Variants in CDC42BPA observed in about 807,000 individuals in gnomAD.
CDC42BPA encodes the protein serine/threonine-protein kinase MRCK alpha.
In CDC42BPA, 80 loss-of-function variants were observed where a neutral mutation model predicts 223.5. The ratio of observed to expected loss-of-function variants is 0.36; its 90% CI spans 0.30 to 0.43. The LOEUF (loss-of-function observed/expected upper bound fraction) is 0.43. CDC42BPA is among the 20% of genes least tolerant of loss of function. The pLI is 1.00. For missense variants in CDC42BPA, 1,743 were observed against 2,099.9 expected (o/e 0.83, Z 3.32); for synonymous variants, 694 against 718.6 (o/e 0.97, Z 0.55).
chr1:227,210,931 A>AGGT (rs1342134756), intron 3 of CDC42BPA, among the ~76,000 whole-genome samples: 1 of 152,146 alleles, frequency 6.6e-6, no homozygotes, highest in Non-Finnish European at 1.5e-5. Flanking sequence ...GATCCAATGT[A>AGGT]GGACACTTCT....
At chr1:227,157,722 T>A (rs1398410377) in intron 6 of CDC42BPA, among the ~76,000 whole-genome samples, 1 of 152,064 alleles carries the variant, frequency 6.6e-6, no homozygotes, top group Non-Finnish European at 1.5e-5. Context: ...TTAGTCTCAA[T>A]ATTTTTCTCT....
intron 1 of CDC42BPA, among the ~76,000 whole-genome samples, chr1:227,295,166 G>C (rs10916118): frequency 6.6e-6 from 1 of 151,756 alleles, no homozygotes; most frequent in Admixed American, 6.6e-5. Flanking sequence ...ACATATATAT[G>C]AAATATAATT....
At chr1:227,178,126 C>G (rs769478579) in intron 5 of CDC42BPA, among the ~76,000 whole-genome samples, 2 of 152,134 alleles carry the variant, frequency 1.3e-5, no homozygotes, top group Non-Finnish European at 2.9e-5. Flanking sequence ...AATTCTCATA[C>G]GTGGATCATC....
chr1:227,230,812 CTTTCTTTCTTTTTTT>C (rs1423743603), intron 2 of CDC42BPA, among the ~76,000 whole-genome samples: 23 of 111,758 alleles, frequency 2.1e-4, no homozygotes, highest in South Asian at 6.1e-4. Flanking sequence ...TTTCTTTTTT[CTTTCTTTCTTTTTTT>C]TTTTTTTTTT....
At chr1:227,118,770 TATA>T (rs1011686547) in intron 12 of CDC42BPA, among the ~76,000 whole-genome samples, 2 of 152,084 alleles carry the variant, frequency 1.3e-5, no homozygotes, top group African/African-American at 4.8e-5. Context: ...TTAATATTAC[TATA>T]ATATTATTAA....
intron 16 of CDC42BPA, among the ~76,000 whole-genome samples, chr1:227,082,491 G>A (rs1423392980): frequency 1.3e-5 from 2 of 151,920 alleles, no homozygotes; most frequent in African/African-American, 4.8e-5. Flanking sequence ...GAGACGGGTG[G>A]ATCACGAGGT....
chr1:227,047,605 TC>T (rs1672713977), intron 23 of CDC42BPA, among the ~76,000 whole-genome samples: 1 of 152,168 alleles, frequency 6.6e-6, no homozygotes, highest in South Asian at 2.1e-4. Flanking sequence ...TTTTTCTTTC[TC>T]ACTGGTTTAT....
At chr1:227,045,866 G>A (rs1316688393) in intron 23 of CDC42BPA, among the ~76,000 whole-genome samples, 1 of 152,060 alleles carries the variant, frequency 6.6e-6, no homozygotes, top group African/African-American at 2.4e-5. Context: ...GAGTTTAGTG[G>A]TGCGATCTCA....
At chr1:227,198,106 C>A (rs1287217772) in intron 4 of CDC42BPA, among the ~76,000 whole-genome samples, 3 of 152,000 alleles carry the variant, frequency 2.0e-5, no homozygotes, top group Non-Finnish European at 4.4e-5. Context: ...TTCACTCTTA[C>A]TACTTACTTG....
At chr1:227,131,313 G>C (rs1450664224) in intron 10 of CDC42BPA, among the ~76,000 whole-genome samples, 1 of 152,156 alleles carries the variant, frequency 6.6e-6, no homozygotes, top group Non-Finnish European at 1.5e-5. Context: ...AAACTGGCTG[G>C]TTTAAGTTAA....
At position 226,991,627 on chromosome 1, in the gene CDC42BPA, G is replaced by T. The variant is rs1199212268; in HGVS notation, c.*2641C>A. 3 of 152,082 alleles carry T rather than the reference G, an allele frequency of 2.0e-5. No individual in the cohort carries two copies. The highest frequency in any genetic ancestry group is 7.2e-5 in the African/African-American group (3 of 41,382). The allele number at this position is 152,082 out of a possible 1,614,324, so 9.4% of individuals were successfully genotyped here. On this transcript the variant is annotated 3_prime_UTR_variant, in exon 37 of 37. Coordinates refer to ENST00000366766, the MANE Select transcript of CDC42BPA (RefSeq NM_001394014.1). ...CAGTGGAAAAATCAAAGAGTGCCAT[G>T]GTGCAATCCATGGGGTGAATATGGA...
chr1:227,270,860 T>C (rs1342730037), intron 1 of CDC42BPA, among the ~76,000 whole-genome samples: 1 of 152,190 alleles, frequency 6.6e-6, no homozygotes, highest in East Asian at 1.9e-4. Context: ...CTTATGTCAC[T>C]AGGCATGTTT....
chr1:227,027,727 G>C (rs991760612), intron 30 of CDC42BPA, among the ~76,000 whole-genome samples: 6 of 152,120 alleles, frequency 3.9e-5, no homozygotes, highest in Non-Finnish European at 7.3e-5. Context: ...GGTTAAGACT[G>C]TATCTATTTT....
intron 1 of CDC42BPA, among the ~76,000 whole-genome samples, chr1:227,256,418 T>C (rs982875758): frequency 7.2e-5 from 11 of 152,232 alleles, no homozygotes; most frequent in Admixed American, 3.9e-4. Flanking sequence ...CAAACCACCA[T>C]GGCACATGTA....
At chr1:227,268,003 G>A (rs991621281) in intron 1 of CDC42BPA, among the ~76,000 whole-genome samples, 1 of 152,178 alleles carries the variant, frequency 6.6e-6, no homozygotes, top group African/African-American at 2.4e-5. Flanking sequence ...CCCAGGCACT[G>A]GAGCTAGTAC....
intron 11 of CDC42BPA, among the ~76,000 whole-genome samples, chr1:227,120,650 T>A (rs1688505605): frequency 6.6e-6 from 1 of 152,244 alleles, no homozygotes; most frequent in Non-Finnish European, 1.5e-5. Context: ...GATTTTAACC[T>A]ATGCCTCAAA....
chr1:227,220,135 C>A (rs2150432151), intron 2 of CDC42BPA, among the ~76,000 whole-genome samples: 1 of 152,028 alleles, frequency 6.6e-6, no homozygotes, highest in East Asian at 1.9e-4. Flanking sequence ...CAGCCCTGTA[C>A]CCCATTCTTT....
In CDC42BPA at chr1:227,144,685, T is replaced by A. The variant is rs1660386673; in HGVS notation, c.1143+804A>T. On this transcript the variant is annotated intron_variant, in intron 8 of 36. Transcript: ENST00000366766. ...TTTTAATCTCATATAACCTAAAGGGTTATAGCAGAGGTCAATATACTATGT... is the reference window on the plus strand; with the variant it reads ...TTTTAATCTCATATAACCTAAAGGGATATAGCAGAGGTCAATATACTATGT... 1.3e-5 allele frequency among the ~76,000 whole-genome samples: 2 copies of A among 151,492 alleles called. 1 individual carries two copies. Among genetic ancestry groups the A allele is most frequent in the Admixed American group, 1.3e-4 (2 of 15,196 alleles).
intron 12 of CDC42BPA, among the ~76,000 whole-genome samples, chr1:227,116,684 G>A (rs1030115220): frequency 6.6e-6 from 1 of 152,204 alleles, no homozygotes; most frequent in African/African-American, 2.4e-5. Flanking sequence ...TAGGAATGCA[G>A]AGAAACTTTT....
Sources: gnomAD v4.1 joint callset for allele counts (sites outside exome capture counted in the v4.1 genomes callset) on GRCh38, gnomAD v4.1.1 for gene constraint, MANE v1.5 for transcripts, NCBI Gene and HGNC (gene_info 2026-07-23, HGNC 2026-07-21) for gene names.